Variants in UQCRH observed in about 807,000 individuals in gnomAD.
The protein encoded by UQCRH is cytochrome b-c1 complex subunit 6, mitochondrial.
In UQCRH, 14 loss-of-function variants were observed where a neutral mutation model predicts 16.3. The ratio of observed to expected loss-of-function variants is 0.86; its 90% confidence interval spans 0.57 to 1.34. UQCRH has a LOEUF of 1.34. Ranked by LOEUF, UQCRH falls within the 40% of genes most tolerant of loss-of-function variation. The pLI, the probability that UQCRH is intolerant of heterozygous loss-of-function variation, is 0.00. For synonymous variants in UQCRH, 41 were observed against 41.9 expected (o/e 0.98, Z 0.08); for missense variants, 89 against 111.9 (o/e 0.80, Z 0.92).
At chr1:46,307,378 A>G (rs1569684597) in intron 1 of UQCRH, among the ~76,000 whole-genome samples, 1 of 151,912 alleles carries the variant, frequency 6.6e-6, no homozygotes, top group Non-Finnish European at 1.5e-5. Context: ...GGGTCTTGTC[A>G]TGTTGCCCAG....
Position 46,309,180 on chromosome 1 carries a change from T to G in UQCRH, c.81+53T>G. 2.5e-6 allele frequency: 4 copies of G among 1,586,618 alleles called. No homozygotes were observed. In the Admixed American group the frequency reaches 7.6e-5, roughly 30 times the overall value. On this transcript the variant is annotated intron_variant, in intron 2 of 3. Transcript: ENST00000311672. ...TCTCAGTAAAAGCAGGGTTTGAGCTTCATGAAATTCTAAGGGCATTTTAAG... is the reference window on the plus strand; with the variant it reads ...TCTCAGTAAAAGCAGGGTTTGAGCTGCATGAAATTCTAAGGGCATTTTAAG...
chr1:46,315,317 G>T (rs1455797016), intron 3 of UQCRH, among the ~76,000 whole-genome samples: 1 of 152,154 alleles, frequency 6.6e-6, no homozygotes, highest in East Asian at 1.9e-4. Context: ...GGTGGCACAT[G>T]CCTATAATCC....
chr1:46,316,671 TTGTG>T lies in UQCRH; in HGVS notation c.*89_*92del. 1.3e-6 allele frequency: 2 copies of T among 1,587,800 alleles called. No individual in the cohort carries two copies. Among genetic ancestry groups the T allele is most frequent in the Non-Finnish European group, 1.7e-6 (2 of 1,166,460 alleles). On this transcript the variant is annotated 3_prime_UTR_variant, in exon 4 of 4. Coordinates refer to ENST00000311672, the MANE Select transcript of UQCRH (RefSeq NM_006004.4). ...TTTGGATGTACCATTTGTTTCTTAT[TTGTG>T]TAACTGTAAGTTCACATGAACCTCA...
chr1:46,316,266 TG>T (rs1183145305), intron 3 of UQCRH, among the ~76,000 whole-genome samples: 2 of 152,192 alleles, frequency 1.3e-5, no homozygotes, highest in African/African-American at 2.4e-5. Flanking sequence ...ATGTCACTGA[TG>T]GGGAGGTACA....
At chr1:46,314,221 C>T (rs1661536150) in intron 3 of UQCRH, among the ~76,000 whole-genome samples, 1 of 151,980 alleles carries the variant, frequency 6.6e-6, no homozygotes, top group Admixed American at 6.6e-5. Context: ...AAAAGATTAG[C>T]CGGGCATGGT....
chr1:46,310,838 C>T (rs939369673), intron 3 of UQCRH, among the ~76,000 whole-genome samples: 1 of 151,868 alleles, frequency 6.6e-6, no homozygotes, highest in Non-Finnish European at 1.5e-5. Flanking sequence ...GAGGCCGAGG[C>T]GGGTGGATCA....
chr1:46,316,767 G>A lies in UQCRH; in HGVS notation c.*183G>A. On this transcript the variant is annotated 3_prime_UTR_variant, in exon 4 of 4. Transcript: ENST00000311672. ...GATTCCATCTAAATAAAAGTTCTAT[G>A]ATCTGCAAACCTGCCCGTCTTTTTT... 1 of 773,448 alleles carries A rather than the reference G, an allele frequency of 1.3e-6. No homozygotes were observed. The highest frequency in any genetic ancestry group is 1.9e-6 in the Non-Finnish European group (1 of 525,798). 47.9% of individuals were successfully genotyped at this position (773,448 alleles called of 1,614,324 possible).
chr1:46,311,268 A>G (rs1221001309), intron 3 of UQCRH, among the ~76,000 whole-genome samples: 2 of 150,758 alleles, frequency 1.3e-5, no homozygotes, highest in Non-Finnish European at 3.0e-5. Context: ...TTCTTTAAAA[A>G]TAATTTGTAT....
intron 1 of UQCRH, among the ~76,000 whole-genome samples, chr1:46,307,387 A>G (rs1661396417): frequency 6.6e-6 from 1 of 152,138 alleles, no homozygotes; most frequent in African/African-American, 2.4e-5. Flanking sequence ...CATGTTGCCC[A>G]GGCTGGTCTC....
chr1:46,310,109 C>G (rs772595584), intron 2 of UQCRH, 46 bp from the exon 3 acceptor site: 1 of 1,613,084 alleles, frequency 6.2e-7, no homozygotes, highest in Non-Finnish European at 8.5e-7. Flanking sequence ...TTTGGTGGGT[C>G]TCTGCTAAAA....
intron 1 of UQCRH, among the ~76,000 whole-genome samples, chr1:46,306,035 G>A (rs1470755440): frequency 1.3e-5 from 2 of 152,094 alleles, no homozygotes; most frequent in South Asian, 2.1e-4. Context: ...CTCCTGATCC[G>A]CCCTCCTCGG....
intron 2 of UQCRH, chr1:46,309,517 A>G (rs1232241749): frequency 2.0e-5 from 4 of 195,686 alleles, no homozygotes; most frequent in African/African-American, 4.7e-5. Context: ...CTAAAAATAC[A>G]AAATTAGCCG....
At chr1:46,313,561 G>A (rs752934809) in intron 3 of UQCRH, among the ~76,000 whole-genome samples, 5 of 152,150 alleles carry the variant, frequency 3.3e-5, no homozygotes, top group Admixed American at 6.5e-5. Flanking sequence ...CCCGGGAGGC[G>A]GAGCTTGCAG....
Position 46,303,737 on chromosome 1 carries a change from C to T in UQCRH, c.-30C>T, listed in dbSNP as rs1661301403. ...ACTGGGTTAGGTGCCGCTGTTGCTGCTCGTGTTGAATCTAGAACCGTAGCC... is the reference window on the plus strand; with the variant it reads ...ACTGGGTTAGGTGCCGCTGTTGCTGTTCGTGTTGAATCTAGAACCGTAGCC... On this transcript the variant is annotated 5_prime_UTR_variant, in exon 1 of 4. Transcript: ENST00000311672. 3 of 1,614,080 alleles carry T rather than the reference C, an allele frequency of 1.9e-6. No individual in the cohort carries two copies. The highest frequency in any genetic ancestry group is 1.1e-5 in the South Asian group (1 of 91,078).
chr1:46,316,772 G>A lies in UQCRH; in HGVS notation c.*188G>A. The A allele has an allele frequency of 1.4e-6, 1 of 717,772 alleles. No homozygotes were observed. Among genetic ancestry groups the A allele is most frequent in the Non-Finnish European group, 2.1e-6 (1 of 482,318 alleles). 44.5% of individuals were successfully genotyped at this position (717,772 alleles called of 1,614,324 possible). A position where few individuals can be genotyped will look rare whatever the true frequency, so the allele number is the denominator to read the frequency against. ...CATCTAAATAAAAGTTCTATGATCT[G>A]CAAACCTGCCCGTCTTTTTTTTTTA... On this transcript the variant is annotated 3_prime_UTR_variant, in exon 4 of 4. Transcript: ENST00000311672.
rs1464491191 is a variant in UQCRH, at chr1:46,303,714, T to C, written c.-53T>C. ...TTACAAGTCCTTCTTGATCCTGAAC[T>C]GGGTTAGGTGCCGCTGTTGCTGCTC... is the stretch of plus-strand genomic sequence containing the variant. On this transcript the variant is annotated 5_prime_UTR_variant, in exon 1 of 4. Coordinates refer to ENST00000311672, the MANE Select transcript of UQCRH (RefSeq NM_006004.4). 6 of 1,613,530 alleles carry C rather than the reference T, an allele frequency of 3.7e-6. No homozygotes were observed. The East Asian group carries it at 6.7e-5, about 18-fold the overall frequency.
At chr1:46,305,188 C>T (rs960735713) in intron 1 of UQCRH, among the ~76,000 whole-genome samples, 12 of 150,442 alleles carry the variant, frequency 8.0e-5, no homozygotes, top group African/African-American at 2.7e-4. Context: ...TGGTGGTGAA[C>T]GCCTGTGGTC....
Position 46,305,217 on chromosome 1 carries a change from G to T in UQCRH, c.54+1397G>T, listed in dbSNP as rs1349267336. Among the ~76,000 whole-genome samples, 10 of 147,348 alleles carry T rather than the reference G, an allele frequency of 6.8e-5. No homozygotes were observed. In the East Asian group the frequency reaches 1.8e-3, roughly 27 times the overall value. On this transcript the variant is annotated intron_variant, in intron 1 of 3. Transcript: ENST00000311672. Reference sequence around the variant, plus strand: ...TGTGGTCTCAACTGCTCGGGAGTTTGAGCCCAGGAAGTCCAGGCTGCAGTG... The same window carrying T: ...TGTGGTCTCAACTGCTCGGGAGTTTTAGCCCAGGAAGTCCAGGCTGCAGTG...
rs764745496 is a variant in UQCRH at position 46,303,823 on chromosome 1, A to T, written c.54+3A>T. ...CCGAATCCGGAGATCCTGAGGAGGT[A>T]AGGCAAGGCGATCCACTCGGCCCTC... On this transcript the variant is annotated splice_donor_region_variant and intron_variant, in intron 1 of 3. Transcript: ENST00000311672. The T allele has an allele frequency of 1.9e-6, 3 of 1,614,194 alleles. No individual in the cohort carries two copies.
Sources: gnomAD v4.1 joint callset for allele counts (sites outside exome capture counted in the v4.1 genomes callset) on GRCh38, gnomAD v4.1.1 for gene constraint, MANE v1.5 for transcripts, NCBI Gene and HGNC (gene_info 2026-07-23, HGNC 2026-07-21) for gene names.